NCAPG2: variants seen among roughly 807,000 people sequenced by gnomAD.
NCAPG2 encodes the protein condensin-2 complex subunit G2.
Under a neutral mutation model 141.1 loss-of-function variants are expected in NCAPG2, and 53 were observed. The observed-to-expected ratio is 0.38, with a 90% CI of 0.30 to 0.47. The LOEUF (loss-of-function observed/expected upper bound fraction) is 0.47, where lower values mean the gene tolerates loss of function less well. NCAPG2 is among the 20% of genes least tolerant of loss of function. The pLI, the probability that NCAPG2 is intolerant of heterozygous loss-of-function variation, is 0.99. For missense variants in NCAPG2, 1,087 were observed against 1,389.0 expected, an observed-to-expected ratio of 0.78 and a Z score of 3.46; for synonymous variants, 499 against 490.7, an observed-to-expected ratio of 1.02 and a Z score of -0.22.
intron 6 of NCAPG2, 44 bp downstream of exon 6, chr7:158,689,775 A>G: frequency 4.0e-6 from 6 of 1,488,386 alleles, no homozygotes; most frequent in Non-Finnish European, 5.4e-6. Flanking sequence ...AACATCTATT[A>G]AGAAGCAGCT....
rs1327357995 is a variant in NCAPG2 at position 158,704,803 on chromosome 7, T to A, written c.-119A>T. The A allele has an allele frequency of 6.6e-6, 1 of 151,890 alleles. No individual in the cohort carries two copies. Among genetic ancestry groups the A allele is most frequent in the Non-Finnish European group, 1.5e-5 (1 of 68,012 alleles). The allele number at this position is 151,890 out of a possible 1,614,324, so 9.4% of individuals were successfully genotyped here. On this transcript the variant is annotated 5_prime_UTR_variant, in exon 1 of 28. Coordinates refer to ENST00000356309, the MANE Select transcript of NCAPG2 (RefSeq NM_017760.7). ...CCGGCGCCCCAGACGGGCCCCGCCC[T>A]CCCGGTCGTCATCAGGCGCCGCTCT...
At chr7:158,672,280 GTGTGTGTGTGTGTATATATATATATA>G (rs1377541077) in intron 12 of NCAPG2, among the ~76,000 whole-genome samples, 4,243 of 50,230 alleles carry the variant, frequency 0.084, 229 homozygotes, top group East Asian at 0.14. Flanking sequence ...CCAAACACAT[GTGTGTGTGTGTGTATATATATATATA>G]TATATATATA....
intron 8 of NCAPG2, among the ~76,000 whole-genome samples, chr7:158,685,817 A>G (rs552971287): frequency 6.6e-6 from 1 of 152,320 alleles, no homozygotes; most frequent in South Asian, 2.1e-4. Context: ...ACATTTTTAA[A>G]AAGTACTGAG....
chr7:158,699,573 C>T (rs550205039), intron 2 of NCAPG2, among the ~76,000 whole-genome samples: 1 of 152,272 alleles, frequency 6.6e-6, no homozygotes, highest in South Asian at 2.1e-4. Flanking sequence ...CCTGCTATGA[C>T]CCAAAGGCTC....
chr7:158,635,881 G>A (rs775424163), intron 27 of NCAPG2, among the ~76,000 whole-genome samples: 2 of 152,240 alleles, frequency 1.3e-5, no homozygotes, highest in Non-Finnish European at 2.9e-5. Flanking sequence ...CTAGTCCAAC[G>A]TTAAATCAAT....
At chr7:158,697,507 A>G (rs148832779) in intron 2 of NCAPG2, among the ~76,000 whole-genome samples, 4,197 of 152,176 alleles carry the variant, frequency 0.028, 175 homozygotes, top group African/African-American at 0.092. Context: ...AGGCTGAGGC[A>G]GGAGAATCAC....
At chr7:158,674,105 A>C (rs1490005365) in intron 12 of NCAPG2, among the ~76,000 whole-genome samples, 1 of 152,186 alleles carries the variant, frequency 6.6e-6, no homozygotes, top group Non-Finnish European at 1.5e-5. Flanking sequence ...ACTGCAGAGC[A>C]ACAGGCATGA....
At chr7:158,683,193 C>T in intron 9 of NCAPG2, 107 bp downstream of exon 9, 2 of 925,360 alleles carry the variant, frequency 2.2e-6, no homozygotes, top group South Asian at 4.0e-5. Context: ...GAGAAATCCC[C>T]CTAACTGATG....
chr7:158,679,032 T>C (rs532947227), intron 11 of NCAPG2, among the ~76,000 whole-genome samples: 30 of 152,256 alleles, frequency 2.0e-4, no homozygotes, highest in African/African-American at 7.0e-4. Context: ...TGTTTTTAAC[T>C]TTTTGTAGAG....
chr7:158,643,329 C>T (rs908108464), intron 27 of NCAPG2, among the ~76,000 whole-genome samples: 1 of 152,144 alleles, frequency 6.6e-6, no homozygotes, highest in Non-Finnish European at 1.5e-5. Flanking sequence ...GATCCGCCTG[C>T]CTTGGCCTCC....
chr7:158,648,587 C>A lies in NCAPG2; in HGVS notation c.3076-2024G>T, dbSNP rs199981167. ...CCACGCCAAATGGACGACAACCACG[C>A]CAAATGGACGACAACCACGCCAAAT... On this transcript the variant is annotated intron_variant, in intron 24 of 27. Transcript: ENST00000356309. 6.4e-5 allele frequency among the ~76,000 whole-genome samples: 4 copies of A among 62,298 alleles called. No individual in the cohort carries two copies. In the South Asian group the frequency reaches 2.5e-3, roughly 39 times the overall value. 40.9% of individuals were successfully genotyped at this position (62,298 alleles called of 152,430 possible). A position where few individuals can be genotyped will look rare whatever the true frequency, so the allele number is the denominator to read the frequency against.
chr7:158,662,311 T>C lies in NCAPG2; in HGVS notation c.1872A>G (p.Glu624=). 6.2e-7 allele frequency: 1 copy of C among 1,609,376 alleles called. No individual in the cohort carries two copies. Among genetic ancestry groups the C allele is most frequent in the South Asian group, 1.1e-5 (1 of 89,346 alleles). ...NDVACMAGLL[E]IIVILWKSID... is the part of the protein sequence containing the mutation. ...TACTTTTCCAGAGAATCACAATGAT[T>C]TCTAGTAAACCTGCCATGCATGCAA... is the stretch of plus-strand genomic sequence containing the variant. The change falls in exon 16 of 28, where the codon GAA becomes GAG. Residue 624 remains glutamate, a synonymous_variant. Coordinates refer to ENST00000356309, the MANE Select transcript of NCAPG2 (RefSeq NM_017760.7).
At chr7:158,660,674 G>A (rs917072960) in intron 16 of NCAPG2, among the ~76,000 whole-genome samples, 2 of 152,044 alleles carry the variant, frequency 1.3e-5, no homozygotes, top group East Asian at 1.9e-4. Flanking sequence ...CTTTGGCCTC[G>A]AAAAGTGCTG....
At position 158,667,347 on chromosome 7, in the gene NCAPG2, T is replaced by TC. The variant is rs1833098023; in HGVS notation, c.1480-2598dup. ...TCCCTCCGCTACTGTGTCCCTCCGC[T>TC]CCTTAGCCACTACCGGATCCCTCCG... On this transcript the variant is annotated intron_variant, in intron 13 of 27. Transcript: ENST00000356309. The TC allele has an allele frequency of 5.3e-5, 7 of 133,146 alleles. 2 individuals are homozygous for TC. The highest frequency in any genetic ancestry group is 8.5e-4 in the Admixed American group (2 of 2,348). The allele number at this position is 133,146 out of a possible 1,614,324, so 8.2% of individuals were successfully genotyped here.
chr7:158,680,179 T>G (rs1278394535), intron 10 of NCAPG2, 94 bp from the exon 11 acceptor site: 3 of 1,323,316 alleles, frequency 2.3e-6, no homozygotes, highest in Non-Finnish European at 3.1e-6. Flanking sequence ...TTAATTATCT[T>G]GATACAGATT....
At chr7:158,702,209 G>A (rs1835844685) in intron 1 of NCAPG2, 1 of 238,300 alleles carries the variant, frequency 4.2e-6, no homozygotes, top group Non-Finnish European at 8.0e-6. Context: ...AATCCAAATA[G>A]CCTTAGGAAG....
At chr7:158,641,239 A>G in intron 27 of NCAPG2, 1 of 353,500 alleles carries the variant, frequency 2.8e-6, no homozygotes, top group Non-Finnish European at 5.0e-6. Context: ...ACAAATAACA[A>G]GGGGAACAAA....
rs1261692180 is a variant in NCAPG2 at position 158,662,334 on chromosome 7, C to T, written c.1849G>A (p.Ala617Thr). ...LDKTLSVNDVACMAGLLEIIV... is the reference protein window; with the variant it reads ...LDKTLSVNDVTCMAGLLEIIV... ...ATTTCTAGTAAACCTGCCATGCATG[C>T]AACATCGTTTACTGACAGTGTTTTG... Residue 617 changes from alanine to threonine, a missense_variant, in exon 16 of 28, where the codon GCA becomes ACA. Coordinates refer to ENST00000356309, the MANE Select transcript of NCAPG2 (RefSeq NM_017760.7). 3.1e-6 allele frequency: 5 copies of T among 1,597,400 alleles called. No individual in the cohort carries two copies. The highest frequency in any genetic ancestry group is 1.3e-5 in the African/African-American group (1 of 74,304).
rs745555315 is a variant in NCAPG2, at chr7:158,692,911, C to T, written c.313G>A (p.Ala105Thr). ...CTTTCATTTATTACAGACACAGAAG[C>T]AAGAATCACAGATGTAATTGCATAA... ...IIYAITSVIL[A>T]SVSVINESEN... The change falls in exon 4 of 28, where the codon GCT becomes ACT. Residue 105 changes from alanine to threonine, a missense_variant. Transcript: ENST00000356309. The T allele has an allele frequency of 5.6e-6, 9 of 1,594,220 alleles. No individual in the cohort carries two copies. Among genetic ancestry groups the T allele is most frequent in the Non-Finnish European group, 6.9e-6 (8 of 1,166,042 alleles).
Sources: allele counts gnomAD v4.1 joint callset (sites outside exome capture counted in the v4.1 genomes callset), GRCh38; gene constraint gnomAD v4.1.1; transcripts MANE v1.5; gene names NCBI Gene and HGNC (gene_info 2026-07-23, HGNC 2026-07-21).